The following GLYATL2 variants were observed in gnomAD, a reference collection of about 807,000 sequenced individuals.
GLYATL2 encodes glycine-N-acyltransferase like 2.
Under a neutral mutation model 21.4 loss-of-function variants are expected in GLYATL2, and 25 were observed. The observed-to-expected ratio is 1.17, with a 90% CI of 0.85 to 1.63. The LOEUF (loss-of-function observed/expected upper bound fraction) is 1.63. Ranked by LOEUF, GLYATL2 falls within the 40% of genes most tolerant of loss-of-function variation. The pLI, the probability that GLYATL2 is intolerant of heterozygous loss-of-function variation, is 0.00. For missense variants in GLYATL2, 361 were observed against 343.3 expected, an observed-to-expected ratio of 1.05 and a Z score of -0.41; for synonymous variants, 114 against 118.2, an observed-to-expected ratio of 0.96 and a Z score of 0.23.
chr11:58,906,017 G>A (rs1432337765), upstream of GLYATL2, among the ~76,000 whole-genome samples: 1 of 152,214 alleles, frequency 6.6e-6, no homozygotes, highest in African/African-American at 2.4e-5. Flanking sequence ...GAAAAGTTCA[G>A]CTTAGACAGG....
upstream of GLYATL2, among the ~76,000 whole-genome samples, chr11:58,848,767 G>A (rs1476839458): frequency 1.0e-4 from 3 of 29,518 alleles, no homozygotes; most frequent in African/African-American, 1.4e-4. Flanking sequence ...AGGTAGAGAT[G>A]GAGATGGGGT....
At chr11:58,876,993 C>G (rs1287635312) in intron 1 of GLYATL2, among the ~76,000 whole-genome samples, 1 of 152,236 alleles carries the variant, frequency 6.6e-6, no homozygotes. Flanking sequence ...CAATGGCAGG[C>G]GCCCCTCCCC....
chr11:58,863,927 G>A (rs1307220772), intron 1 of GLYATL2, among the ~76,000 whole-genome samples: 5 of 152,208 alleles, frequency 3.3e-5, no homozygotes. Flanking sequence ...CTGGAGAGTA[G>A]GGTGGCAGAA....
chr11:58,885,609 G>A (rs1854423207), intron 1 of GLYATL2: 2 of 322,004 alleles, frequency 6.2e-6, no homozygotes, highest in South Asian at 6.1e-5. Flanking sequence ...GACCATTTCA[G>A]ACACCAGGGC....
intron 1 of GLYATL2, among the ~76,000 whole-genome samples, chr11:58,891,508 C>T (rs541570935): frequency 6.6e-6 from 1 of 152,172 alleles, no homozygotes; most frequent in South Asian, 2.1e-4. Flanking sequence ...TTGGTATTCA[C>T]TAAAGTATCT....
chr11:58,883,596 G>T (rs1854382036), intron 1 of GLYATL2, among the ~76,000 whole-genome samples: 1 of 152,116 alleles, frequency 6.6e-6, no homozygotes, highest in Admixed American at 6.5e-5. Context: ...ACCAAAAAAT[G>T]TCCAGGACCA....
chr11:58,876,552 T>C (rs921105226), intron 1 of GLYATL2, among the ~76,000 whole-genome samples: 2 of 152,222 alleles, frequency 1.3e-5, no homozygotes, highest in African/African-American at 4.8e-5. Flanking sequence ...ACTGGAGGTC[T>C]ACTCCAGACC....
At chr11:58,856,424 T>A (rs1031398063) in intron 1 of GLYATL2, among the ~76,000 whole-genome samples, 4 of 152,240 alleles carry the variant, frequency 2.6e-5, no homozygotes, top group African/African-American at 4.8e-5. Flanking sequence ...CTTCAAAGAT[T>A]TTTCCTTGCA....
At position 58,878,193 on chromosome 11, in the gene GLYATL2, G is replaced by A. The variant is rs958653098; in HGVS notation, n.60+25963C>T. 4.5e-5 allele frequency: 11 copies of A among 243,914 alleles called. 1 individual carries two copies. Among genetic ancestry groups the A allele is most frequent in the South Asian group, 4.4e-4 (4 of 9,190 alleles). The allele number at this position is 243,914 out of a possible 1,614,324, so 15.1% of individuals were successfully genotyped here. On this transcript the variant is annotated intron_variant and non_coding_transcript_variant, in intron 1 of 4. Transcript: ENST00000533636. ...GTTATCCTGAAGGCTGCCAGATTCC[G>A]GAATTCTTCATTGCTCAATTAAACT...
At chr11:58,839,434 T>C (rs1275880230) in intron 2 of GLYATL2, 101 bp downstream of exon 2, 1 of 639,374 alleles carries the variant, frequency 1.6e-6, no homozygotes, top group African/African-American at 1.8e-5. Context: ...ATTCTCACTT[T>C]AGACTTGCAT....
chr11:58,871,913 G>A (rs1181095481), intron 1 of GLYATL2, among the ~76,000 whole-genome samples: 1 of 152,172 alleles, frequency 6.6e-6, no homozygotes, highest in Non-Finnish European at 1.5e-5. Context: ...GTGTAAAAGT[G>A]TTCCTATTTC....
intron 1 of GLYATL2, among the ~76,000 whole-genome samples, chr11:58,882,518 C>T (rs935334386): frequency 3.3e-5 from 5 of 152,026 alleles, no homozygotes; most frequent in Non-Finnish European, 7.3e-5. Context: ...AAAATTTTCC[C>T]CATTCTGTAG....
At chr11:58,905,758 G>GAC, upstream of GLYATL2, 2 of 27,562 alleles carry the variant, frequency 7.3e-5, 1 homozygote. Context: ...GGGCGGGTGG[G>GAC]CGCGCAGTCC....
intron 1 of GLYATL2, among the ~76,000 whole-genome samples, chr11:58,853,149 T>G (rs1007523812): frequency 6.6e-6 from 1 of 152,194 alleles, no homozygotes; most frequent in African/African-American, 2.4e-5. Context: ...CTATAAAGTA[T>G]AGACAATTAT....
chr11:58,846,868 G>A (rs564145989), upstream of GLYATL2, among the ~76,000 whole-genome samples: 14 of 152,210 alleles, frequency 9.2e-5, no homozygotes, highest in African/African-American at 3.4e-4. Flanking sequence ...TCAGTCAAAG[G>A]AGAGCTGGTA....
At chr11:58,870,198 A>G (rs147663206) in intron 1 of GLYATL2, among the ~76,000 whole-genome samples, 333 of 152,326 alleles carry the variant, frequency 2.2e-3, no homozygotes, top group Admixed American at 3.0e-3. Context: ...AGGATGGTCA[A>G]AGGAGACCTC....
intron 1 of GLYATL2, among the ~76,000 whole-genome samples, chr11:58,840,540 T>C (rs1853527880): frequency 6.6e-6 from 1 of 152,030 alleles, no homozygotes; most frequent in Non-Finnish European, 1.5e-5. Flanking sequence ...GTAATCCCAA[T>C]TAATAATATA....
chr11:58,876,988 G>A (rs546323187), intron 1 of GLYATL2, among the ~76,000 whole-genome samples: 111 of 152,372 alleles, frequency 7.3e-4, no homozygotes, highest in Middle Eastern at 6.8e-3. Context: ...CTGAGCAATG[G>A]CAGGCGCCCC....
At chr11:58,840,321 TA>T (rs1376561863) in intron 1 of GLYATL2, among the ~76,000 whole-genome samples, 12 of 152,086 alleles carry the variant, frequency 7.9e-5, no homozygotes, top group African/African-American at 2.7e-4. Context: ...GAAATAATAA[TA>T]GATATGTTTA....
Sources: allele counts gnomAD v4.1 joint callset (sites outside exome capture counted in the v4.1 genomes callset), GRCh38; gene constraint gnomAD v4.1.1; transcripts MANE v1.5; gene names NCBI Gene and HGNC (gene_info 2026-07-23, HGNC 2026-07-21).